TXNRD2: variants seen among roughly 807,000 people sequenced by gnomAD.
TXNRD2 encodes the protein thioredoxin reductase 2.
TXNRD2 carries 67 observed loss-of-function variants against 70.8 expected under a neutral mutation model. The ratio of observed to expected loss-of-function variants is 0.95; its 90% CI spans 0.78 to 1.16. The LOEUF (loss-of-function observed/expected upper bound fraction) is 1.16. Ranked by LOEUF, TXNRD2 falls within the 50% of genes most tolerant of loss-of-function variation. The probability of loss-of-function intolerance (pLI) is 0.00; values close to 1 mark genes in which losing one functional copy is unlikely to be tolerated. For missense variants in TXNRD2, 644 were observed against 719.9 expected, an observed-to-expected ratio of 0.89 and a Z score of 1.21; for synonymous variants, 301 against 295.8, an observed-to-expected ratio of 1.02 and a Z score of -0.18.
chr22:19,919,866 G>A (rs1940828246), intron 2 of TXNRD2, among the ~76,000 whole-genome samples: 1 of 114,228 alleles, frequency 8.8e-6, no homozygotes, highest in Admixed American at 8.0e-5. Context: ...CCCACAGGCA[G>A]GAGCCCTCAG....
At chr22:19,910,475 G>A (rs191033240) in intron 8 of TXNRD2, among the ~76,000 whole-genome samples, 225 of 152,098 alleles carry the variant, frequency 1.5e-3, no homozygotes, top group Non-Finnish European at 2.7e-3. Context: ...GGGCTCCTGG[G>A]AACCCCATTT....
rs1169090281 is a variant in TXNRD2 at position 19,915,857 on chromosome 22, A to T, written c.450-14T>A. 2 of 1,611,460 alleles carry T rather than the reference A, an allele frequency of 1.2e-6. No homozygotes were observed. The highest frequency in any genetic ancestry group is 2.7e-5 in the African/African-American group (2 of 74,228). ...TACTTGACTTTTCTGAAAGATAAAG[A>T]TAAGATTTTCAAACACTTCCTCTGC... On this transcript the variant is annotated splice_polypyrimidine_tract_variant and intron_variant, in intron 5 of 17. Coordinates refer to ENST00000400521, the MANE Select transcript of TXNRD2 (RefSeq NM_006440.5).
intron 10 of TXNRD2, 139 bp downstream of exon 10, chr22:19,897,900 T>C (rs1263864499): frequency 1.4e-6 from 1 of 713,782 alleles, no homozygotes; most frequent in Non-Finnish European, 2.3e-6. Context: ...CTGGACAACC[T>C]CCTCATCCAA....
rs554063995 is a variant in TXNRD2 at position 19,877,181 on chromosome 22, C to A, written c.1499G>T (p.Cys500Phe). 326 of 1,611,862 alleles carry A rather than the reference C, an allele frequency of 2.0e-4. 4 individuals carry two copies. In the South Asian group the frequency reaches 3.4e-3, roughly 17 times the overall value. Residue 500 changes from cysteine to phenylalanine, a missense_variant, in exon 17 of 18, where the codon TGC becomes TTC. Physicochemically the swap from Cys to Phe is radical, Grantham distance 205. Coordinates refer to ENST00000400521, the MANE Select transcript of TXNRD2 (RefSeq NM_006440.5). The stretch of plus-strand genomic sequence containing the variant: ...GCGCAGCTTGACTACCTCCTCAGAG[C>A]ATGTGGGATGGATACCCACGGTCCG... The part of the protein sequence containing the change: ...VMRTVGIHPT[C>F]SEEVVKLRIS...
intron 16 of TXNRD2, 109 bp from the exon 17 acceptor site, chr22:19,877,343 G>T: frequency 9.7e-7 from 1 of 1,028,074 alleles, no homozygotes; most frequent in Non-Finnish European, 1.5e-6. Flanking sequence ...TCTCCTCACT[G>T]TCCCCTGACC....
At chr22:19,939,545 C>G (rs911794771) in intron 1 of TXNRD2, among the ~76,000 whole-genome samples, 2 of 152,208 alleles carry the variant, frequency 1.3e-5, no homozygotes, top group Non-Finnish European at 2.9e-5. Flanking sequence ...TATTCGACCT[C>G]TCACCTGGAT....
At chr22:19,913,070 T>C (rs1401278225) in intron 7 of TXNRD2, among the ~76,000 whole-genome samples, 3 of 151,990 alleles carry the variant, frequency 2.0e-5, no homozygotes, top group Non-Finnish European at 4.4e-5. Flanking sequence ...CAGCCAAACC[T>C]CTCTGCTCAC....
chr22:19,909,692 CTGCT>C (rs1940259955), intron 8 of TXNRD2, among the ~76,000 whole-genome samples: 1 of 135,668 alleles, frequency 7.4e-6, no homozygotes, highest in African/African-American at 2.8e-5. Flanking sequence ...CTCACACACA[CTGCT>C]CACACACACC....
At chr22:19,890,226 G>A (rs987593714) in intron 11 of TXNRD2, among the ~76,000 whole-genome samples, 1 of 152,160 alleles carries the variant, frequency 6.6e-6, no homozygotes, top group African/African-American at 2.4e-5. Context: ...TGGAGGGGAA[G>A]GCCGCAGCCA....
intron 1 of TXNRD2, among the ~76,000 whole-genome samples, chr22:19,931,792 C>G (rs980160940): frequency 3.3e-5 from 5 of 152,088 alleles, no homozygotes; most frequent in African/African-American, 1.2e-4. Flanking sequence ...CATGAGCCAC[C>G]AAGGTGGACT....
At chr22:19,933,741 C>T (rs1365375928) in intron 1 of TXNRD2, among the ~76,000 whole-genome samples, 1 of 152,172 alleles carries the variant, frequency 6.6e-6, no homozygotes, top group Admixed American at 6.5e-5. Flanking sequence ...GTGGGTAGGG[C>T]AGATGCTGTT....
intron 9 of TXNRD2, 142 bp downstream of exon 9, chr22:19,898,907 G>T: frequency 9.5e-7 from 1 of 1,055,074 alleles, no homozygotes; most frequent in Non-Finnish European, 1.4e-6. Context: ...CCCAGGCACA[G>T]TAGATCCTCC....
At chr22:19,879,868 G>C (rs1181555993) in intron 14 of TXNRD2, among the ~76,000 whole-genome samples, 1 of 152,136 alleles carries the variant, frequency 6.6e-6, no homozygotes, top group Non-Finnish European at 1.5e-5. Flanking sequence ...GGGTGGGGCT[G>C]GGGGCTTCTG....
chr22:19,890,634 A>G (rs924748663), intron 11 of TXNRD2, among the ~76,000 whole-genome samples: 58 of 152,142 alleles, frequency 3.8e-4, no homozygotes, highest in African/African-American at 1.4e-3. Flanking sequence ...CCACACCAGC[A>G]CAGAGGGCAT....
intron 8 of TXNRD2, chr22:19,902,944 C>T (rs1939843156): frequency 1.9e-6 from 1 of 518,700 alleles, no homozygotes; most frequent in Non-Finnish European, 3.8e-6. Context: ...TGGCTGGCTT[C>T]CGGACTTCCT....
chr22:19,884,969 A>C (rs1203790387), intron 11 of TXNRD2, among the ~76,000 whole-genome samples: 1 of 152,124 alleles, frequency 6.6e-6, no homozygotes, highest in Non-Finnish European at 1.5e-5. Context: ...TGCCCATTCT[A>C]GGGGGCAGCT....
intron 10 of TXNRD2, among the ~76,000 whole-genome samples, chr22:19,896,693 C>G (rs938893200): frequency 5.9e-5 from 9 of 152,226 alleles, no homozygotes; most frequent in Non-Finnish European, 1.0e-4. Flanking sequence ...TTGCACGGAC[C>G]AGCAGTGAAG....
chr22:19,877,198 C>G lies in TXNRD2; in HGVS notation c.1482G>C (p.Val494=), dbSNP rs1363014479. The part of the protein sequence containing the change: ...GASYAQVMRT[V]GIHPTCSEEV... ...CCTCAGAGCATGTGGGATGGATACC[C>G]ACGGTCCGCATCACCTGCGCATAGG... is the stretch of plus-strand genomic sequence containing the variant. Residue 494 remains valine (V), a synonymous_variant, in exon 17 of 18, where the codon GTG becomes GTC. Coordinates refer to ENST00000400521, the MANE Select transcript of TXNRD2 (RefSeq NM_006440.5). 3.1e-6 allele frequency: 5 copies of G among 1,611,660 alleles called. No individual in the cohort carries two copies. Among genetic ancestry groups the G allele is most frequent in the South Asian group, 1.1e-5 (1 of 91,064 alleles).
chr22:19,932,582 C>A (rs1941408210), intron 1 of TXNRD2: 4 of 1,455,680 alleles, frequency 2.7e-6, no homozygotes, highest in Non-Finnish European at 2.7e-6. Flanking sequence ...CCAGCCAACT[C>A]CCTGCTGAAG....
Sources: gnomAD v4.1 joint callset for allele counts (sites outside exome capture counted in the v4.1 genomes callset) on GRCh38, gnomAD v4.1.1 for gene constraint, MANE v1.5 for transcripts, NCBI Gene and HGNC (gene_info 2026-07-23, HGNC 2026-07-21) for gene names.